KYNU: variants seen among roughly 807,000 people sequenced by gnomAD.
The protein encoded by KYNU is L-kynurenine hydrolase.
In KYNU, 54 loss-of-function variants were observed where a neutral mutation model predicts 59.2. The observed-to-expected ratio is 0.91, with a 90% CI of 0.73 to 1.14. KYNU has a LOEUF of 1.14. Among genes scored for constraint, KYNU ranks in the 50% most tolerant of loss-of-function variants. KYNU has a pLI of 0.00. For synonymous variants in KYNU, 177 were observed against 192.0 expected (o/e 0.92, Z 0.65); for missense variants, 567 against 554.4 (o/e 1.02, Z -0.23).
At chr2:142,907,683 TC>T (rs373109900) in intron 2 of KYNU, among the ~76,000 whole-genome samples, 2,454 of 149,194 alleles carry the variant, frequency 0.016, 31 homozygotes, top group African/African-American at 0.044. Context: ...CTGATCATTG[TC>T]CCCCCGTTGT....
At chr2:142,941,656 A>G (rs962485871) in intron 4 of KYNU, among the ~76,000 whole-genome samples, 6 of 152,194 alleles carry the variant, frequency 3.9e-5, no homozygotes, top group African/African-American at 1.4e-4. Flanking sequence ...TAGGGAGTTT[A>G]GAGCCACAGG....
chr2:143,041,244 A>T (rs964597110), intron 13 of KYNU, among the ~76,000 whole-genome samples: 4 of 152,034 alleles, frequency 2.6e-5, no homozygotes, highest in Admixed American at 6.6e-5. Context: ...GGGAAAAAAG[A>T]TAATGTATCT....
chr2:143,018,452 T>C (rs1385947023), intron 10 of KYNU, among the ~76,000 whole-genome samples: 2 of 152,012 alleles, frequency 1.3e-5, no homozygotes, highest in Admixed American at 6.6e-5. Context: ...ATGGCTGTTA[T>C]GCAGCTTTAT....
chr2:142,981,271 TTTC>T (rs1374563587), intron 8 of KYNU, among the ~76,000 whole-genome samples: 1 of 152,146 alleles, frequency 6.6e-6, no homozygotes, highest in Non-Finnish European at 1.5e-5. Context: ...GCTTTTTCTA[TTTC>T]TTGAGTTTTC....
rs1687210127 is a variant in KYNU, at chr2:143,048,585, CTT to C, written c.*6416_*6417del. 1.3e-5 allele frequency: 2 copies of C among 152,144 alleles called. No homozygotes were observed. The highest frequency in any genetic ancestry group is 4.1e-4 in the South Asian group (2 of 4,826). The allele number at this position is 152,144 out of a possible 1,614,324, so 9.4% of individuals were successfully genotyped here. ...TATTACAATTCATTTTAATGAAAAA[CTT>C]TTAGTGGTAAATTGTATTAGTCTTT... On this transcript the variant is annotated 3_prime_UTR_variant, in exon 14 of 14. Transcript: ENST00000264170.
intron 2 of KYNU, among the ~76,000 whole-genome samples, chr2:142,913,416 T>A (rs13035026): frequency 0.021 from 3,156 of 151,832 alleles, 59 homozygotes; most frequent in African/African-American, 0.053. Context: ...TTATTTCAAA[T>A]TTTTTTTTGA....
chr2:143,003,125 A>G (rs755414607), intron 10 of KYNU, among the ~76,000 whole-genome samples: 5 of 152,228 alleles, frequency 3.3e-5, no homozygotes, highest in Non-Finnish European at 7.3e-5. Flanking sequence ...ATACATCATG[A>G]TAAACATTAG....
intron 11 of KYNU, among the ~76,000 whole-genome samples, chr2:143,030,950 A>G (rs980947162): frequency 4.6e-5 from 7 of 152,292 alleles, no homozygotes; most frequent in Middle Eastern, 3.4e-3. Context: ...TGAATATATT[A>G]TATGATTTAT....
At chr2:142,895,711 G>T (rs1325047783) in intron 2 of KYNU, among the ~76,000 whole-genome samples, 1 of 151,740 alleles carries the variant, frequency 6.6e-6, no homozygotes, top group African/African-American at 2.4e-5. Flanking sequence ...TTTAGAAAAG[G>T]TCTTGCCCTG....
At position 143,042,888 on chromosome 2, in the gene KYNU, C is replaced by G. The variant is rs1417369959; in HGVS notation, c.*716C>G. On this transcript the variant is annotated 3_prime_UTR_variant, in exon 14 of 14. Coordinates refer to ENST00000264170, the MANE Select transcript of KYNU (RefSeq NM_003937.3). ...CATTGGCCATCTTTCTCGTTACCAT[C>G]TATGAAATTAGCATGCATCTCAAAT... 6.6e-6 allele frequency: 1 copy of G among 151,602 alleles called. No homozygotes were observed. Among genetic ancestry groups the G allele is most frequent in the Non-Finnish European group, 1.5e-5 (1 of 67,850 alleles). 9.4% of individuals were successfully genotyped at this position (151,602 alleles called of 1,614,324 possible). A position where few individuals can be genotyped will look rare whatever the true frequency, so the allele number is the denominator to read the frequency against.
In KYNU at chr2:143,054,611, C is replaced by G. The variant is rs989085841; in HGVS notation, c.*12439C>G. On this transcript the variant is annotated 3_prime_UTR_variant, in exon 14 of 14. Transcript: ENST00000264170. ...GTGATGAATATGAAGTAGACTGCACCACTCTGCAGTACAGTCAGGAAATAA... is the reference window on the plus strand; with the variant it reads ...GTGATGAATATGAAGTAGACTGCACGACTCTGCAGTACAGTCAGGAAATAA... 11 of 152,086 alleles carry G rather than the reference C, an allele frequency of 7.2e-5. No homozygotes were observed. The highest frequency in any genetic ancestry group is 2.7e-4 in the African/African-American group (11 of 41,396). 9.4% of individuals were successfully genotyped at this position (152,086 alleles called of 1,614,324 possible).
At chr2:142,915,882 A>G (rs528212450) in intron 2 of KYNU, among the ~76,000 whole-genome samples, 2 of 152,316 alleles carry the variant, frequency 1.3e-5, no homozygotes, top group South Asian at 4.1e-4. Flanking sequence ...CCTTACAGAA[A>G]TAATCAAGTT....
intron 9 of KYNU, 53 bp downstream of exon 9, chr2:142,985,235 T>C: frequency 1.8e-6 from 2 of 1,134,728 alleles, no homozygotes; most frequent in Non-Finnish European, 2.7e-6. Context: ...GACTTTAATC[T>C]GAAGGAGAAA....
intron 10 of KYNU, among the ~76,000 whole-genome samples, chr2:143,003,288 G>A (rs116398319): frequency 0.052 from 7,983 of 152,178 alleles, 560 homozygotes; most frequent in African/African-American, 0.16. Context: ...TTACAGCTGG[G>A]GGGGGTGGCT....
At chr2:142,921,788 T>A (rs1474431445) in intron 3 of KYNU, among the ~76,000 whole-genome samples, 1 of 151,622 alleles carries the variant, frequency 6.6e-6, no homozygotes, top group Non-Finnish European at 1.5e-5. Context: ...CAGCCTGGGC[T>A]ACAGCAAGAC....
intron 4 of KYNU, among the ~76,000 whole-genome samples, chr2:142,950,196 T>G (rs1294094029): frequency 6.6e-6 from 1 of 152,268 alleles, no homozygotes; most frequent in Non-Finnish European, 1.5e-5. Context: ...AGTTCCAAAC[T>G]TTCCCACATT....
chr2:142,896,538 TG>T (rs1163355746), intron 2 of KYNU, among the ~76,000 whole-genome samples: 8 of 152,230 alleles, frequency 5.3e-5, no homozygotes, highest in African/African-American at 1.9e-4. Context: ...TGGAGCTTTT[TG>T]TTTTTTTGTT....
At chr2:142,890,184 A>G (rs1314283121) in intron 2 of KYNU, among the ~76,000 whole-genome samples, 2 of 152,092 alleles carry the variant, frequency 1.3e-5, no homozygotes, top group African/African-American at 4.8e-5. Context: ...AAAAAGGAAG[A>G]TATAAGAAAG....
chr2:142,936,523 G>A (rs1242305002), intron 4 of KYNU, among the ~76,000 whole-genome samples: 1 of 152,126 alleles, frequency 6.6e-6, no homozygotes, highest in African/African-American at 2.4e-5. Flanking sequence ...CTGGACAGCT[G>A]GAGGGAGACG....
Sources: allele counts gnomAD v4.1 joint callset (sites outside exome capture counted in the v4.1 genomes callset), GRCh38; gene constraint gnomAD v4.1.1; transcripts MANE v1.5; gene names NCBI Gene and HGNC (gene_info 2026-07-23, HGNC 2026-07-21).